DCANP1: variants seen among roughly 807,000 people sequenced by gnomAD.
DCANP1 encodes the protein dendritic cell associated nuclear protein 1, also known as dendritic cell nuclear protein 1.
For missense variants in DCANP1, 328 were observed against 293.7 expected (o/e 1.12, Z -0.85); for synonymous variants, 139 against 124.2 (o/e 1.12, Z -0.79).
Position 135,447,226 on chromosome 5 carries a change from C to T in DCANP1, c.-118G>A, listed in dbSNP as rs1449770953. 1 of 1,221,098 alleles carries T rather than the reference C, an allele frequency of 8.2e-7. No homozygotes were observed. Among genetic ancestry groups the T allele is most frequent in the Admixed American group, 2.3e-5 (1 of 44,250 alleles). 75.6% of individuals were successfully genotyped at this position (1,221,098 alleles called of 1,614,324 possible). ...GGCATCTCCCATTATACTAACCCTG[C>T]CTATTGGACCTTCTGATGCAAGGAG... On this transcript the variant is annotated 5_prime_UTR_variant, in exon 1 of 1. Coordinates refer to ENST00000503143, the MANE Select transcript of DCANP1 (RefSeq NM_130848.3).
At position 135,444,684 on chromosome 5, in the gene DCANP1, T is replaced by C. The variant is rs1769223903; in HGVS notation, c.*1690A>G. 1 of 152,268 alleles carries C rather than the reference T, an allele frequency of 6.6e-6. No homozygotes were observed. The highest frequency in any genetic ancestry group is 2.4e-5 in the African/African-American group (1 of 41,466). 9.4% of individuals were successfully genotyped at this position (152,268 alleles called of 1,614,324 possible). A position where few individuals can be genotyped will look rare whatever the true frequency, so the allele number is the denominator to read the frequency against. The stretch of plus-strand genomic sequence containing the variant: ...TCTTTGCTGGCTGCAGCCTTGCTGC[T>C]CAGTGGGCGGTTGTGGAAAGAATCG... On this transcript the variant is annotated 3_prime_UTR_variant, in exon 1 of 1. Transcript: ENST00000503143.
rs115965482 is a variant in DCANP1, at chr5:135,447,291, G to A, written c.-183C>T. ...CTCCCTGTTGCCTACCAGGTCCGTG[G>A]CTACAACTAAATCCCTAGTTGGGGA... On this transcript the variant is annotated 5_prime_UTR_variant, in exon 1 of 1. Transcript: ENST00000503143. 1.4e-6 allele frequency: 1 copy of A among 709,338 alleles called. No individual in the cohort carries two copies. The highest frequency in any genetic ancestry group is 2.4e-6 in the Non-Finnish European group (1 of 422,608). The allele number at this position is 709,338 out of a possible 1,614,324, so 43.9% of individuals were successfully genotyped here. A position where few individuals can be genotyped will look rare whatever the true frequency, so the allele number is the denominator to read the frequency against.
At position 135,446,862 on chromosome 5, in the gene DCANP1, C is replaced by G. The variant is rs754632549; in HGVS notation, c.247G>C (p.Glu83Gln). 16 of 1,613,808 alleles carry G rather than the reference C, an allele frequency of 9.9e-6. No homozygotes were observed. Among genetic ancestry groups the G allele is most frequent in the Admixed American group, 8.3e-5 (5 of 60,002 alleles). ...NKTLPAGVLR[E>Q]GAVQFLHRGL... ...CTGTGGAGGAATTGAACTGCCCCCT[C>G]TCGCAGGACCCCAGCTGGCAAGGTT... The change falls in exon 1 of 1, where the codon GAG becomes CAG. Residue 83 changes from glutamate (E) to glutamine (Q), a missense_variant. Coordinates refer to ENST00000503143, the MANE Select transcript of DCANP1 (RefSeq NM_130848.3).
Position 135,446,747 on chromosome 5 carries a change from C to G in DCANP1, c.362G>C (p.Gly121Ala). 1.2e-6 allele frequency: 2 copies of G among 1,613,982 alleles called. No homozygotes were observed. Among genetic ancestry groups the G allele is most frequent in the Non-Finnish European group, 1.7e-6 (2 of 1,179,870 alleles). ...DELHSSRRKT[G>A]QTRREGARKH... ...CCGGGCTCCCTCCCGCCTGGTCTGG[C>G]CTGTCTTCCTTCTGCTGCTATGCAG... is the stretch of plus-strand genomic sequence containing the variant. Residue 121 changes from glycine to alanine, a missense_variant, in exon 1 of 1, where the codon GGC (glycine) becomes GCC (alanine). By Grantham distance (60) the Gly-to-Ala change is moderately conservative. Coordinates refer to ENST00000503143, the MANE Select transcript of DCANP1 (RefSeq NM_130848.3).
rs180721424 is a variant in DCANP1, at chr5:135,446,351, C to T, written c.*23G>A. On this transcript the variant is annotated 3_prime_UTR_variant, in exon 1 of 1. Coordinates refer to ENST00000503143, the MANE Select transcript of DCANP1 (RefSeq NM_130848.3). ...TTTAGTGTATGTCTGTGCATACTTG[C>T]GTGTGTGCACACGCACACATGTTCA... The T allele has an allele frequency of 1.4e-5, 22 of 1,571,566 alleles. No homozygotes were observed. Among genetic ancestry groups the T allele is most frequent in the Middle Eastern group, 3.6e-4 (2 of 5,582 alleles).
rs1411182033 is a variant in DCANP1 at position 135,445,635 on chromosome 5, C to G, written c.*739G>C. 6.6e-6 allele frequency: 1 copy of G among 152,376 alleles called. No individual in the cohort carries two copies. Among genetic ancestry groups the G allele is most frequent in the Non-Finnish European group, 1.5e-5 (1 of 68,146 alleles). The allele number at this position is 152,376 out of a possible 1,614,324, so 9.4% of individuals were successfully genotyped here. ...AACACAAGAGCCAACAACCCATGGC[C>G]TTTGTCTGCAAGGAACTTGAGGTCT... On this transcript the variant is annotated 3_prime_UTR_variant, in exon 1 of 1. Transcript: ENST00000503143.
At position 135,447,147 on chromosome 5, in the gene DCANP1, G is replaced by C. The variant is rs369467972; in HGVS notation, c.-39C>G. The C allele has an allele frequency of 8.7e-6, 14 of 1,613,342 alleles. No homozygotes were observed. Among genetic ancestry groups the C allele is most frequent in the East Asian group, 6.7e-5 (3 of 44,894 alleles). ...TTTTGGTCAGTGACAGATCACTGCT[G>C]CTTTTCATCAGACCAAAATACATGT... On this transcript the variant is annotated 5_prime_UTR_variant, in exon 1 of 1. Coordinates refer to ENST00000503143, the MANE Select transcript of DCANP1 (RefSeq NM_130848.3).
Position 135,446,234 on chromosome 5 carries a change from AGT to A in DCANP1, c.*138_*139del, listed in dbSNP as rs1769257414. On this transcript the variant is annotated 3_prime_UTR_variant, in exon 1 of 1. Transcript: ENST00000503143. ...TGTCCAGGATCACAGAACTATAGTA[AGT>A]GGGGGTGGGGACAAGAATTCTAACC... is the stretch of plus-strand genomic sequence containing the variant. 2.0e-6 allele frequency: 2 copies of A among 990,236 alleles called. No homozygotes were observed. The highest frequency in any genetic ancestry group is 1.6e-5 in the African/African-American group (1 of 61,344). The allele number at this position is 990,236 out of a possible 1,614,324, so 61.3% of individuals were successfully genotyped here.
Position 135,446,461 on chromosome 5 carries a change from G to C in DCANP1, c.648C>G (p.Asp216Glu). 1.2e-6 allele frequency: 2 copies of C among 1,613,916 alleles called. No individual in the cohort carries two copies. Among genetic ancestry groups the C allele is most frequent in the Non-Finnish European group, 1.7e-6 (2 of 1,179,792 alleles). ...HLISLSLTCS[D>E]SQSRRVSSSQ... Reference sequence around the variant, plus strand: ...AGGAACTCACCCGCCTGCTCTGGCTGTCTGAGCAGGTGAGGGATAGTGATA... The same window carrying C: ...AGGAACTCACCCGCCTGCTCTGGCTCTCTGAGCAGGTGAGGGATAGTGATA... The change falls in exon 1 of 1, where the codon GAC becomes GAG. Residue 216 changes from aspartate (D) to glutamate (E), a missense_variant. By Grantham distance (45) the Asp-to-Glu change is conservative. Coordinates refer to ENST00000503143, the MANE Select transcript of DCANP1 (RefSeq NM_130848.3).
rs139663312 is a variant in DCANP1, at chr5:135,446,607, C to T, written c.502G>A (p.Glu168Lys). 5.2e-4 allele frequency: 833 copies of T among 1,613,860 alleles called. No individual in the cohort carries two copies. The highest frequency in any genetic ancestry group is 6.8e-4 in the Non-Finnish European group (803 of 1,179,900). Residue 168 changes from glutamate (E) to lysine (K), a missense_variant, in exon 1 of 1, where the codon GAG becomes AAG. Glu to Lys is a moderately conservative substitution (Grantham distance 56). Transcript: ENST00000503143. ...TTTCTACTCAAGAAAAATGAAGTCT[C>T]GGATGGGCAGAGCTTAACTGCCTTA... ...VFKAVKLCPS[E>K]TSFFLSRKSL... is the part of the protein sequence containing the mutation.
At position 135,445,173 on chromosome 5, in the gene DCANP1, G is replaced by A. The variant is rs1375475293; in HGVS notation, c.*1201C>T. 1 of 152,124 alleles carries A rather than the reference G, an allele frequency of 6.6e-6. No individual in the cohort carries two copies. The highest frequency in any genetic ancestry group is 2.4e-5 in the African/African-American group (1 of 41,400). The allele number at this position is 152,124 out of a possible 1,614,324, so 9.4% of individuals were successfully genotyped here. On this transcript the variant is annotated 3_prime_UTR_variant, in exon 1 of 1. Coordinates refer to ENST00000503143, the MANE Select transcript of DCANP1 (RefSeq NM_130848.3). ...GCCTCTGCAGGGGACAGGAAGTGCT[G>A]ACTGAGAACTGTCTCTCTGTGACAT...
chr5:135,446,362 A>C lies in DCANP1; in HGVS notation c.*12T>G. 2 of 1,586,194 alleles carry C rather than the reference A, an allele frequency of 1.3e-6. No individual in the cohort carries two copies. Among genetic ancestry groups the C allele is most frequent in the Non-Finnish European group, 8.6e-7 (1 of 1,163,770 alleles). ...TCTGTGCATACTTGCGTGTGTGCAC[A>C]CGCACACATGTTCACTCAGGCACGT... On this transcript the variant is annotated 3_prime_UTR_variant, in exon 1 of 1. Transcript: ENST00000503143.
At position 135,447,251 on chromosome 5, in the gene DCANP1, G is replaced by A. The variant is rs554771138; in HGVS notation, c.-143C>T. On this transcript the variant is annotated 5_prime_UTR_variant, in exon 1 of 1. Coordinates refer to ENST00000503143, the MANE Select transcript of DCANP1 (RefSeq NM_130848.3). ...CCTATTGGACCTTCTGATGCAAGGA[G>A]CAGATTAAAATCCCCTCCCTGTTGC... is the stretch of plus-strand genomic sequence containing the variant. The A allele has an allele frequency of 9.5e-5, 97 of 1,018,146 alleles. No homozygotes were observed. Among genetic ancestry groups the A allele is most frequent in the Non-Finnish European group, 1.3e-4 (88 of 696,674 alleles). The allele number at this position is 1,018,146 out of a possible 1,614,324, so 63.1% of individuals were successfully genotyped here. A position where few individuals can be genotyped will look rare whatever the true frequency, so the allele number is the denominator to read the frequency against.
At position 135,446,226 on chromosome 5, in the gene DCANP1, C is replaced by CTA. The variant is rs1769257159; in HGVS notation, c.*146_*147dup. Reference sequence around the variant, plus strand: ...CAGTTACTTGTCCAGGATCACAGAACTATAGTAAGTGGGGGTGGGGACAAG... The same window carrying CTA: ...CAGTTACTTGTCCAGGATCACAGAACTATATAGTAAGTGGGGGTGGGGACAAG... On this transcript the variant is annotated 3_prime_UTR_variant, in exon 1 of 1. Transcript: ENST00000503143. 11 of 947,096 alleles carry CTA rather than the reference C, an allele frequency of 1.2e-5. No individual in the cohort carries two copies. The Admixed American group carries it at 2.8e-4, about 24-fold the overall frequency. The allele number at this position is 947,096 out of a possible 1,614,324, so 58.7% of individuals were successfully genotyped here. A position where few individuals can be genotyped will look rare whatever the true frequency, so the allele number is the denominator to read the frequency against.
chr5:135,446,697 G>A lies in DCANP1; in HGVS notation c.412C>T (p.Leu138Phe), dbSNP rs368207505. ...ACTGTGTGAACTGTGAACGGGTAGA[G>A]TCTGAAACTACAAACCAGATGTTTC... ...ARKHLVCSFR[L>F]YPFTVHTVSP... The change falls in exon 1 of 1, where the codon CTC (leucine) becomes TTC (phenylalanine). Residue 138 changes from leucine to phenylalanine, a missense_variant. Physicochemically the swap from Leu to Phe is conservative, Grantham distance 22. Coordinates refer to ENST00000503143, the MANE Select transcript of DCANP1 (RefSeq NM_130848.3). The A allele has an allele frequency of 6.2e-7, 1 of 1,613,854 alleles. No individual in the cohort carries two copies. Among genetic ancestry groups the A allele is most frequent in the Non-Finnish European group, 8.5e-7 (1 of 1,179,760 alleles).
rs1002580919 is a variant in DCANP1, at chr5:135,446,638, T to G, written c.471A>C (p.Gln157His). 14 of 1,613,864 alleles carry G rather than the reference T, an allele frequency of 8.7e-6. No homozygotes were observed. Among genetic ancestry groups the G allele is most frequent in the African/African-American group, 1.3e-5 (1 of 74,916 alleles). The change falls in exon 1 of 1, where the codon CAA (glutamine) becomes CAC (histidine). Residue 157 changes from glutamine (Q) to histidine (H), a missense_variant. Gln to His is a conservative substitution (Grantham distance 24). Coordinates refer to ENST00000503143, the MANE Select transcript of DCANP1 (RefSeq NM_130848.3). The part of the protein sequence containing the change: ...SPGNSHLALY[Q>H]VFKAVKLCPS... Reference sequence around the variant, plus strand: ...GGCAGAGCTTAACTGCCTTAAAAACTTGGTACAGGGCAAGGTGTGAGTTTC... The same window carrying G: ...GGCAGAGCTTAACTGCCTTAAAAACGTGGTACAGGGCAAGGTGTGAGTTTC...
chr5:135,446,401 G>A lies in DCANP1; in HGVS notation c.708C>T (p.His236=), dbSNP rs771910221. The A allele has an allele frequency of 1.9e-5, 30 of 1,608,208 alleles. No homozygotes were observed. Among genetic ancestry groups the A allele is most frequent in the Non-Finnish European group, 2.5e-5 (29 of 1,175,426 alleles). The change falls in exon 1 of 1, where the codon CAC becomes CAT. Residue 236 remains histidine (H), a synonymous_variant. Transcript: ENST00000503143. ...QQPPLHSLSS[H]RRAAHVPE is the part of the protein sequence containing the mutation. ...ACTCAGGCACGTGGGCTGCCCTGCG[G>A]TGGGAGCTGAGAGAATGCAGTGGAG...
In DCANP1 at chr5:135,444,942, A is replaced by C. The variant is rs10074641; in HGVS notation, c.*1432T>G. On this transcript the variant is annotated 3_prime_UTR_variant, in exon 1 of 1. Transcript: ENST00000503143. ...TTTCCTGTGTGGATGGAGTGTTGGC[A>C]CAGTGAGGCGGGTGTTGCAAGTGGA... The C allele has an allele frequency of 0.29, 43,757 of 152,380 alleles. 6,724 individuals carry two copies. The highest frequency in any genetic ancestry group is 0.38 in the African/African-American group (15,813 of 41,438). 9.4% of individuals were successfully genotyped at this position (152,380 alleles called of 1,614,324 possible).
chr5:135,446,941 CA>C, the DCANP1 span: 1 of 1,612,602 alleles, frequency 6.2e-7, no homozygotes, highest in Non-Finnish European at 8.5e-7. Flanking sequence ...GAGGGGCACT[CA>C]GGGGCAGCAG....
Sources: gnomAD v4.1 joint callset for allele counts on GRCh38, gnomAD v4.1.1 for gene constraint, MANE v1.5 for transcripts, NCBI Gene and HGNC (gene_info 2026-07-23, HGNC 2026-07-21) for gene names.